ZNF385D: variants seen among roughly 807,000 people sequenced by gnomAD.
ZNF385D encodes the protein zinc finger protein 385D.
ZNF385D carries 15 observed loss-of-function variants against 35.8 expected under a neutral mutation model. That is an observed-to-expected ratio of 0.42 (90% confidence interval 0.28 to 0.64). The LOEUF is 0.64. Ranked by LOEUF, ZNF385D falls within the 30% of genes least tolerant of loss-of-function variation. The pLI is 0.23. For missense variants in ZNF385D, 474 were observed against 494.6 expected (o/e 0.96, Z 0.39); for synonymous variants, 212 against 186.8 (o/e 1.13, Z -1.10).
intron 2 of ZNF385D, among the ~76,000 whole-genome samples, chr3:22,236,936 G>A (rs1699220010): frequency 6.6e-6 from 1 of 152,092 alleles, no homozygotes; most frequent in Admixed American, 6.6e-5. Flanking sequence ...CATATTATGT[G>A]ATAAAAATCT....
intron 2 of ZNF385D, among the ~76,000 whole-genome samples, chr3:21,605,263 G>A (rs773693746): frequency 3.9e-5 from 6 of 152,166 alleles, no homozygotes; most frequent in Non-Finnish European, 8.8e-5. Context: ...GAGCCCCACT[G>A]AAGGTAAAGA....
At chr3:21,824,389 TA>T (rs1342764788) in intron 3 of ZNF385D, among the ~76,000 whole-genome samples, 1 of 152,210 alleles carries the variant, frequency 6.6e-6, no homozygotes, top group Non-Finnish European at 1.5e-5. Flanking sequence ...TGCATACCTA[TA>T]AAATCACTTC....
intron 2 of ZNF385D, among the ~76,000 whole-genome samples, chr3:21,602,527 T>TC (rs1559450297): frequency 2.6e-5 from 2 of 77,690 alleles, no homozygotes; most frequent in Non-Finnish European, 5.2e-5. Context: ...CTTTTTTTTT[T>TC]TTTTTTTTTT....
At chr3:22,310,523 C>T (rs1462871350) in intron 2 of ZNF385D, among the ~76,000 whole-genome samples, 1 of 151,708 alleles carries the variant, frequency 6.6e-6, no homozygotes, top group Non-Finnish European at 1.5e-5. Flanking sequence ...GCAGTTAATC[C>T]CATGGTTTCA....
Position 22,069,079 on chromosome 3 carries a change from G to A in ZNF385D, c.325+99738C>T, listed in dbSNP as rs138921420. Among the ~76,000 whole-genome samples, 10 of 152,278 alleles carry A rather than the reference G, an allele frequency of 6.6e-5. No individual in the cohort carries two copies. The East Asian group carries it at 1.5e-3, about 24-fold the overall frequency. On this transcript the variant is annotated intron_variant, in intron 3 of 5. Transcript: ENST00000494108. ...AATTATATGTGTTCAACTAGTAAAA[G>A]GATATAAAGATCTGGGCTAGCTACA...
rs1435937175 is a variant in ZNF385D at position 21,415,591 on chromosome 3, C to T, written c.*5623G>A. On this transcript the variant is annotated 3_prime_UTR_variant, in exon 8 of 8. Coordinates refer to ENST00000281523, the MANE Select transcript of ZNF385D (RefSeq NM_024697.3). ...TACTAAGACTCATATTTTTACAATT[C>T]TGTATGTGTGTGCGTATATAAGCAT... 1 of 152,084 alleles carries T rather than the reference C, an allele frequency of 6.6e-6. No homozygotes were observed. The highest frequency in any genetic ancestry group is 1.9e-4 in the East Asian group (1 of 5,194). 9.4% of individuals were successfully genotyped at this position (152,084 alleles called of 1,614,324 possible). A position where few individuals can be genotyped will look rare whatever the true frequency, so the allele number is the denominator to read the frequency against.
intron 3 of ZNF385D, among the ~76,000 whole-genome samples, chr3:21,983,419 G>GT (rs1368266347): frequency 9.4e-6 from 1 of 106,628 alleles, no homozygotes; most frequent in Non-Finnish European, 1.9e-5. Flanking sequence ...GCGGTGTTTG[G>GT]TTTTTTGTTC....
At chr3:22,068,605 ACT>A (rs1700082457) in intron 3 of ZNF385D, among the ~76,000 whole-genome samples, 1 of 151,944 alleles carries the variant, frequency 6.6e-6, no homozygotes, top group Non-Finnish European at 1.5e-5. Context: ...ATCCATCCAC[ACT>A]CTGTCTATTT....
intron 2 of ZNF385D, among the ~76,000 whole-genome samples, chr3:22,282,982 G>T (rs1396900610): frequency 6.6e-6 from 1 of 151,950 alleles, no homozygotes; most frequent in Non-Finnish European, 1.5e-5. Context: ...AAGGTAAAGG[G>T]GTGGACAAAG....
chr3:21,990,203 T>C (rs1175665436), intron 3 of ZNF385D, among the ~76,000 whole-genome samples: 1 of 152,206 alleles, frequency 6.6e-6, no homozygotes, highest in Non-Finnish European at 1.5e-5. Flanking sequence ...AAGCTAAAAT[T>C]CCAGATTTGC....
At chr3:21,492,383 TATAAACAAACAAAA>T (rs1170375784) in intron 4 of ZNF385D, among the ~76,000 whole-genome samples, 1 of 144,376 alleles carries the variant, frequency 6.9e-6, no homozygotes, top group Non-Finnish European at 1.5e-5. Context: ...AATGGTTTTT[TATAAACAAACAAAA>T]ACAAACAAAC....
intron 3 of ZNF385D, among the ~76,000 whole-genome samples, chr3:21,552,240 T>G (rs1279415940): frequency 6.6e-6 from 1 of 152,190 alleles, no homozygotes; most frequent in African/African-American, 2.4e-5. Context: ...GTATGTATAT[T>G]TTGATTTTGG....
At chr3:21,936,087 T>TA (rs1305267897) in intron 3 of ZNF385D, among the ~76,000 whole-genome samples, 2 of 152,004 alleles carry the variant, frequency 1.3e-5, no homozygotes, top group African/African-American at 4.8e-5. Flanking sequence ...AGAGACCAGT[T>TA]ACACAGCTAA....
chr3:22,044,975 T>G (rs1285551590), intron 3 of ZNF385D, among the ~76,000 whole-genome samples: 1 of 152,126 alleles, frequency 6.6e-6, no homozygotes, highest in Non-Finnish European at 1.5e-5. Flanking sequence ...ATTGTGCCAC[T>G]GCCCTCCAGC....
chr3:21,745,467 G>A (rs1243419556), intron 1 of ZNF385D, among the ~76,000 whole-genome samples: 2 of 152,124 alleles, frequency 1.3e-5, no homozygotes, highest in East Asian at 1.9e-4. Flanking sequence ...GCTTCATAAC[G>A]ATTTTAACGC....
chr3:21,458,248 G>C (rs1253454415), intron 4 of ZNF385D, among the ~76,000 whole-genome samples: 6 of 149,676 alleles, frequency 4.0e-5, no homozygotes, highest in Non-Finnish European at 7.4e-5. Flanking sequence ...CAAGGCAAGA[G>C]AATCACTTGA....
intron 3 of ZNF385D, among the ~76,000 whole-genome samples, chr3:22,018,183 G>A (rs1697002918): frequency 6.6e-6 from 1 of 151,550 alleles, no homozygotes; most frequent in Non-Finnish European, 1.5e-5. Flanking sequence ...TTTTAAAGAT[G>A]CGCAGTATCA....
At chr3:21,700,847 CTG>C (rs2067656475) in intron 1 of ZNF385D, among the ~76,000 whole-genome samples, 1 of 152,308 alleles carries the variant, frequency 6.6e-6, no homozygotes, top group African/African-American at 2.4e-5. Context: ...CAGTTCATCT[CTG>C]TTACAATTTC....
intron 1 of ZNF385D, among the ~76,000 whole-genome samples, chr3:21,712,081 A>G (rs965373430): frequency 1.5e-5 from 2 of 134,654 alleles, no homozygotes; most frequent in Non-Finnish European, 3.1e-5. Context: ...CTCTTCTGCT[A>G]CCAGCTACCA....
Sources: allele counts gnomAD v4.1 joint callset (sites outside exome capture counted in the v4.1 genomes callset), GRCh38; gene constraint gnomAD v4.1.1; transcripts MANE v1.5; gene names NCBI Gene and HGNC (gene_info 2026-07-23, HGNC 2026-07-21).